ZNF273: variants seen among roughly 807,000 people sequenced by gnomAD.
The protein encoded by ZNF273 is zinc finger protein 273, also known as zinc finger protein 9.
A neutral mutation model predicts 14.9 loss-of-function variants in ZNF273; 11 were observed. The observed-to-expected ratio is 0.74, with a 90% confidence interval of 0.46 to 1.22. ZNF273 has a LOEUF of 1.22. Ranked by LOEUF, ZNF273 falls within the 50% of genes most tolerant of loss-of-function variation. The probability of loss-of-function intolerance (pLI) is 0.00; values close to 1 mark genes in which losing one functional copy is unlikely to be tolerated. For missense variants in ZNF273, 577 were observed against 660.6 expected (o/e 0.87, Z 1.39); for synonymous variants, 199 against 223.9 (o/e 0.89, Z 0.99).
upstream of ZNF273, among the ~76,000 whole-genome samples, chr7:64,900,002 C>T (rs968093607): frequency 7.2e-5 from 11 of 152,056 alleles, no homozygotes; most frequent in Non-Finnish European, 1.6e-4. Context: ...TCATGGGATC[C>T]GCCTGCCTCG....
At chr7:64,896,847 A>C (rs1449300595) in intron 3 of ZNF273, among the ~76,000 whole-genome samples, 1 of 152,204 alleles carries the variant, frequency 6.6e-6, no homozygotes, top group Non-Finnish European at 1.5e-5. Context: ...GCAAATGAAA[A>C]AAAGGGGAAG....
downstream of ZNF273, among the ~76,000 whole-genome samples, chr7:64,934,474 A>T (rs1293093674): frequency 3.9e-5 from 6 of 152,150 alleles, no homozygotes; most frequent in Non-Finnish European, 7.3e-5. Context: ...TAAGTAATTA[A>T]ACTATTTGAA....
chr7:64,927,618 A>G, intron 3 of ZNF273, 36 bp from the exon 4 acceptor site: 1 of 1,507,934 alleles, frequency 6.6e-7, no homozygotes, highest in Non-Finnish European at 8.9e-7. Context: ...ATCTGAGTCT[A>G]GTAAGTGGGG....
intron 1 of ZNF273, among the ~76,000 whole-genome samples, chr7:64,885,249 C>T (rs1447751305): frequency 1.3e-5 from 2 of 152,222 alleles, no homozygotes; most frequent in African/African-American, 4.8e-5. Flanking sequence ...CAAGGCCTCC[C>T]CAAGCCCTCT....
upstream of ZNF273, among the ~76,000 whole-genome samples, chr7:64,900,239 AC>A (rs1320230367): frequency 6.6e-6 from 1 of 150,612 alleles, no homozygotes; most frequent in Non-Finnish European, 1.5e-5. Flanking sequence ...TAATCCTCCC[AC>A]CTCAGACTCC....
At chr7:64,931,402 C>A (rs954084084), downstream of ZNF273, among the ~76,000 whole-genome samples, 1 of 151,996 alleles carries the variant, frequency 6.6e-6, no homozygotes, top group African/African-American at 2.4e-5. Flanking sequence ...CTTACAATTT[C>A]TTTTACAGTT....
intron 1 of ZNF273, chr7:64,888,418 G>C (rs1201343305): frequency 1.0e-6 from 1 of 985,640 alleles, no homozygotes; most frequent in East Asian, 1.1e-4. Flanking sequence ...AGGTGACACG[G>C]GGCTGGACAG....
chr7:64,908,085 C>T (rs546178564), intron 1 of ZNF273, among the ~76,000 whole-genome samples: 1 of 152,330 alleles, frequency 6.6e-6, no homozygotes, highest in South Asian at 2.1e-4. Flanking sequence ...CACCCCCAGA[C>T]ACTGAATCTG....
chr7:64,925,354 G>C (rs1306315637), intron 3 of ZNF273, among the ~76,000 whole-genome samples: 1 of 151,998 alleles, frequency 6.6e-6, no homozygotes, highest in African/African-American at 2.4e-5. Flanking sequence ...GTACCTTGGG[G>C]ATTACATAAA....
chr7:64,914,065 A>G (rs925075909), intron 1 of ZNF273, among the ~76,000 whole-genome samples: 5 of 151,644 alleles, frequency 3.3e-5, no homozygotes, highest in African/African-American at 1.2e-4. Context: ...CTGGAGTGCA[A>G]TGGCTTGATC....
At chr7:64,877,792 C>G (rs1287481051) in exon 1 of ZNF273, 1 of 152,348 alleles carries the variant, frequency 6.6e-6, no homozygotes, top group Non-Finnish European at 1.5e-5. Flanking sequence ...CGCAAAATTC[C>G]TAAGGATCCG....
upstream of ZNF273, among the ~76,000 whole-genome samples, chr7:64,901,012 T>TA (rs758485621): frequency 3.8e-3 from 583 of 152,124 alleles, 2 homozygotes; most frequent in Middle Eastern, 0.01. Context: ...ATTTATTTTT[T>TA]TTTTTTTGTA....
downstream of ZNF273, among the ~76,000 whole-genome samples, chr7:64,892,185 C>T (rs1263014502): frequency 6.6e-6 from 1 of 152,138 alleles, no homozygotes; most frequent in Non-Finnish European, 1.5e-5. Context: ...TCAGAGTATC[C>T]TCTTTCATAG....
Position 64,929,130 on chromosome 7 carries a change from G to T in ZNF273, c.*92G>T, listed in dbSNP as rs554736783. The T allele has an allele frequency of 1.4e-6, 1 of 709,540 alleles. No individual in the cohort carries two copies. Among genetic ancestry groups the T allele is most frequent in the South Asian group, 3.4e-5 (1 of 29,766 alleles). The allele number at this position is 709,540 out of a possible 1,614,324, so 44.0% of individuals were successfully genotyped here. A position where few individuals can be genotyped will look rare whatever the true frequency, so the allele number is the denominator to read the frequency against. ...ACTGGAGAAAACTCCCAGAAGTGGA[G>T]TTTTCCTTATTGCACAGGAAAGCAT... On this transcript the variant is annotated 3_prime_UTR_variant, in exon 4 of 4. Transcript: ENST00000476120.
downstream of ZNF273, chr7:64,882,458 C>G (rs978474400): frequency 2.6e-5 from 4 of 152,282 alleles, no homozygotes; most frequent in Non-Finnish European, 2.9e-5. Flanking sequence ...CTGACAGCCC[C>G]GACAGCCTGG....
chr7:64,892,201 A>T (rs181183838), downstream of ZNF273, among the ~76,000 whole-genome samples: 2 of 152,356 alleles, frequency 1.3e-5, no homozygotes, highest in East Asian at 3.9e-4. Flanking sequence ...CATAGACAAA[A>T]AAAACAGTAT....
At chr7:64,922,642 C>T (rs1273032312) in intron 3 of ZNF273, among the ~76,000 whole-genome samples, 7 of 151,674 alleles carry the variant, frequency 4.6e-5, no homozygotes, top group Non-Finnish European at 1.5e-5. Flanking sequence ...AGAGACAGAG[C>T]TTTGCCATGT....
At chr7:64,885,914 A>G (rs893454709) in intron 1 of ZNF273, among the ~76,000 whole-genome samples, 10 of 152,344 alleles carry the variant, frequency 6.6e-5, no homozygotes, top group African/African-American at 2.2e-4. Flanking sequence ...TCATTACTCA[A>G]ATTCTCACAG....
At chr7:64,922,594 G>A (rs1350807152) in intron 3 of ZNF273, among the ~76,000 whole-genome samples, 1 of 152,044 alleles carries the variant, frequency 6.6e-6, no homozygotes, top group Non-Finnish European at 1.5e-5. Flanking sequence ...TTACAGGTGT[G>A]AGCCACTGTG....
Sources: gnomAD v4.1 joint callset for allele counts (sites outside exome capture counted in the v4.1 genomes callset) on GRCh38, gnomAD v4.1.1 for gene constraint, MANE v1.5 for transcripts, NCBI Gene and HGNC (gene_info 2026-07-23, HGNC 2026-07-21) for gene names.